GNB4: variants seen among roughly 807,000 people sequenced by gnomAD.
The protein encoded by GNB4 is G protein subunit beta 4.
A neutral mutation model predicts 45.2 loss-of-function variants in GNB4; 28 were observed. The observed-to-expected ratio is 0.62, with a 90% CI of 0.46 to 0.85. GNB4 has a LOEUF of 0.85. Among genes scored for constraint, GNB4 ranks in the 40% least tolerant of loss-of-function variants. GNB4 has a pLI of 0.00. For missense variants in GNB4, 321 were observed against 425.4 expected (o/e 0.75, Z 2.16); for synonymous variants, 132 against 143.7 (o/e 0.92, Z 0.58).
Position 179,405,315 on chromosome 3 carries a change from T to C in GNB4, c.791A>G (p.Tyr264Cys), listed in dbSNP as rs1714432452. Reference sequence around the variant, plus strand: ...TCCACAGATGATATTGTCATGAGAATACAATAATAACTCTTGATCTGCACG... The same window carrying C: ...TCCACAGATGATATTGTCATGAGAACACAATAATAACTCTTGATCTGCACG... ...DLRADQELLLYSHDNIICGIT... is the reference protein window; with the variant it reads ...DLRADQELLLCSHDNIICGIT... Residue 264 changes from tyrosine (Y) to cysteine (C), a missense_variant, in exon 9 of 10, where the codon TAT becomes TGT. Coordinates refer to ENST00000232564, the MANE Select transcript of GNB4 (RefSeq NM_021629.4). 1 of 1,613,712 alleles carries C rather than the reference T, an allele frequency of 6.2e-7. No individual in the cohort carries two copies. Among genetic ancestry groups the C allele is most frequent in the Admixed American group, 1.7e-5 (1 of 60,002 alleles).
the GNB4 span, among the ~76,000 whole-genome samples, chr3:179,494,638 A>C: frequency 6.6e-6 from 1 of 152,020 alleles, no homozygotes; most frequent in African/African-American, 2.4e-5. Flanking sequence ...GGCCAGGCGC[A>C]GTGGCTCACG....
intron 1 of GNB4, among the ~76,000 whole-genome samples, chr3:179,428,667 GTTA>G (rs932164651): frequency 2.6e-5 from 4 of 152,122 alleles, no homozygotes; most frequent in African/African-American, 7.2e-5. Context: ...AAAATTTGCA[GTTA>G]TTATTATTAC....
At chr3:179,497,502 G>A in the GNB4 span, among the ~76,000 whole-genome samples, 1 of 152,020 alleles carries the variant, frequency 6.6e-6, no homozygotes, top group East Asian at 1.9e-4. Context: ...ATAAATTAAT[G>A]AAACTATGTC....
the GNB4 span, among the ~76,000 whole-genome samples, chr3:179,501,046 T>C: frequency 6.6e-6 from 1 of 152,162 alleles, no homozygotes; most frequent in Non-Finnish European, 1.5e-5. Flanking sequence ...ATGAAGTGAC[T>C]CTCTCAGTTG....
intron 3 of GNB4, 33 bp from the exon 4 acceptor site, chr3:179,419,538 CT>C: frequency 1.6e-6 from 2 of 1,285,852 alleles, no homozygotes; most frequent in Non-Finnish European, 2.3e-6. Context: ...TATTCTTTAC[CT>C]TAATCATAGT....
At chr3:179,428,987 CAA>C in intron 1 of GNB4, among the ~76,000 whole-genome samples, 1 of 152,202 alleles carries the variant, frequency 6.6e-6, no homozygotes, top group East Asian at 1.9e-4. Flanking sequence ...AAATGGGAAA[CAA>C]AGAAAAAGCA....
At chr3:179,507,192 C>T in the GNB4 span, among the ~76,000 whole-genome samples, 4 of 152,202 alleles carry the variant, frequency 2.6e-5, no homozygotes, top group Non-Finnish European at 5.9e-5. Flanking sequence ...TTAGACTTTC[C>T]TCATTGCTCC....
At chr3:179,527,777 C>CGT in the GNB4 span, among the ~76,000 whole-genome samples, 2,906 of 122,222 alleles carry the variant, frequency 0.024, 42 homozygotes, top group Non-Finnish European at 0.037. Context: ...CTGATAAGTG[C>CGT]GTGTGTGTAT....
At chr3:179,414,659 T>A (rs563042237) in intron 6 of GNB4, among the ~76,000 whole-genome samples, 2 of 152,316 alleles carry the variant, frequency 1.3e-5, no homozygotes, top group South Asian at 4.1e-4. Flanking sequence ...GTGCAGTAAA[T>A]TTATCATTTT....
the GNB4 span, among the ~76,000 whole-genome samples, chr3:179,527,551 C>G: frequency 6.6e-6 from 1 of 152,212 alleles, no homozygotes; most frequent in Non-Finnish European, 1.5e-5. Flanking sequence ...AGAAAACTCT[C>G]TGTTTTAGAA....
At chr3:179,446,797 CG>C (rs1715744184) in intron 1 of GNB4, among the ~76,000 whole-genome samples, 1 of 152,312 alleles carries the variant, frequency 6.6e-6, no homozygotes, top group Non-Finnish European at 1.5e-5. Flanking sequence ...GTAGCACTAA[CG>C]CTGTAAGATT....
the GNB4 span, among the ~76,000 whole-genome samples, chr3:179,473,176 A>G: frequency 6.6e-6 from 1 of 152,206 alleles, no homozygotes; most frequent in Admixed American, 6.5e-5. Context: ...AAAAACTGAA[A>G]GAAAATGACA....
chr3:179,441,763 A>C (rs553859288), intron 1 of GNB4, among the ~76,000 whole-genome samples: 1 of 152,020 alleles, frequency 6.6e-6, no homozygotes, highest in African/African-American at 2.4e-5. Context: ...AAAAAAAAAA[A>C]AAAAATTGGG....
intron 1 of GNB4, among the ~76,000 whole-genome samples, chr3:179,431,651 T>C (rs1452256857): frequency 6.6e-6 from 1 of 152,140 alleles, no homozygotes. Context: ...TTATCTTCTA[T>C]ACTGATTGCT....
the GNB4 span, among the ~76,000 whole-genome samples, chr3:179,466,755 T>C: frequency 1.3e-5 from 2 of 152,370 alleles, no homozygotes; most frequent in African/African-American, 4.8e-5. Flanking sequence ...GAAATTAAAA[T>C]GTTTGTGTAT....
chr3:179,424,132 G>A (rs1015759240), intron 2 of GNB4, among the ~76,000 whole-genome samples: 3 of 152,220 alleles, frequency 2.0e-5, no homozygotes, highest in African/African-American at 7.2e-5. Context: ...TCCTGGATCT[G>A]TTACCTTGGC....
At chr3:179,488,292 T>C in the GNB4 span, among the ~76,000 whole-genome samples, 1 of 152,200 alleles carries the variant, frequency 6.6e-6, no homozygotes, top group African/African-American at 2.4e-5. Context: ...TGCATTTAAA[T>C]GTTAAGTCCT....
At chr3:179,495,562 AAGAAAGAG>A in the GNB4 span, among the ~76,000 whole-genome samples, 1 of 150,200 alleles carries the variant, frequency 6.7e-6, no homozygotes, top group African/African-American at 2.4e-5. Context: ...AAAGAAAAGA[AAGAAAGAG>A]AAAGAAAGAA....
the GNB4 span, among the ~76,000 whole-genome samples, chr3:179,489,364 A>G: frequency 6.6e-6 from 1 of 152,066 alleles, no homozygotes; most frequent in Non-Finnish European, 1.5e-5. Context: ...AATTCTTACT[A>G]TAACATCAAT....
Sources: allele counts gnomAD v4.1 joint callset (sites outside exome capture counted in the v4.1 genomes callset), GRCh38; gene constraint gnomAD v4.1.1; transcripts MANE v1.5; gene names NCBI Gene and HGNC (gene_info 2026-07-23, HGNC 2026-07-21).